The following ZNF385D variants were observed in gnomAD, a reference collection of about 807,000 sequenced individuals.
ZNF385D encodes the protein zinc finger protein 385D, also known as zinc finger protein 659.
In ZNF385D, 15 loss-of-function variants were observed where a neutral mutation model predicts 35.8. That is an observed-to-expected ratio of 0.42 (90% CI 0.28 to 0.64). The LOEUF (loss-of-function observed/expected upper bound fraction) is 0.64, where lower values mean the gene tolerates loss of function less well. Ranked by LOEUF, ZNF385D falls within the 30% of genes least tolerant of loss-of-function variation. The pLI, the probability that ZNF385D is intolerant of heterozygous loss-of-function variation, is 0.23. For missense variants in ZNF385D, 474 were observed against 494.6 expected (o/e 0.96, Z 0.39); for synonymous variants, 212 against 186.8 (o/e 1.13, Z -1.10).
Position 21,465,042 on chromosome 3 carries a change from T to G in ZNF385D, c.440-27839A>C, listed in dbSNP as rs768832880. 6.6e-6 allele frequency among the ~76,000 whole-genome samples: 1 copy of G among 152,198 alleles called. No homozygotes were observed. The highest frequency in any genetic ancestry group is 1.9e-4 in the East Asian group (1 of 5,190). Reference sequence around the variant, plus strand: ...TAAATTTCTTTCTCATTAAATACTTTGTCATTTTTACAGAAAGATTTCATA... The same window carrying G: ...TAAATTTCTTTCTCATTAAATACTTGGTCATTTTTACAGAAAGATTTCATA... On this transcript the variant is annotated intron_variant, in intron 4 of 7. Coordinates refer to ENST00000281523, the MANE Select transcript of ZNF385D (RefSeq NM_024697.3). This position sits in a 1 kb window ranked among gnomAD's most constrained non-coding sequence, Gnocchi z 4.2.
At chr3:22,215,096 A>T (rs1254813486) in intron 2 of ZNF385D, among the ~76,000 whole-genome samples, 1 of 152,040 alleles carries the variant, frequency 6.6e-6, no homozygotes, top group Non-Finnish European at 1.5e-5. Flanking sequence ...GGAATATAGA[A>T]AAAAACCTAC....
chr3:21,968,261 T>C (rs1197639355), intron 3 of ZNF385D, among the ~76,000 whole-genome samples: 1 of 152,114 alleles, frequency 6.6e-6, no homozygotes, highest in African/African-American at 2.4e-5. Context: ...GCAGTCTGAA[T>C]ATGAGTTTTG....
intron 2 of ZNF385D, among the ~76,000 whole-genome samples, chr3:22,186,286 G>T (rs1024956981): frequency 6.6e-6 from 1 of 152,118 alleles, no homozygotes; most frequent in East Asian, 1.9e-4. Flanking sequence ...TCCCAGACGA[G>T]CATGAGTTCA....
intron 1 of ZNF385D, among the ~76,000 whole-genome samples, chr3:21,712,660 G>C (rs1306259482): frequency 6.6e-6 from 1 of 152,130 alleles, no homozygotes; most frequent in African/African-American, 2.4e-5. Flanking sequence ...AAAAAAATGA[G>C]AATCGTTCCT....
chr3:22,085,392 A>G (rs1190334787), intron 3 of ZNF385D, among the ~76,000 whole-genome samples: 2 of 152,214 alleles, frequency 1.3e-5, no homozygotes, highest in South Asian at 4.1e-4. Context: ...GATAAAGGCG[A>G]TATCACCACC....
At chr3:21,959,037 T>G (rs1702439028) in intron 3 of ZNF385D, 2 of 152,182 alleles carry the variant, frequency 1.3e-5, no homozygotes, top group Non-Finnish European at 2.9e-5. Flanking sequence ...TTCTGGTATT[T>G]GTTGTTTCTA....
rs576279144 is a variant in ZNF385D at position 22,167,433 on chromosome 3, C to T, written c.325+1384G>A. 1.8e-3 allele frequency among the ~76,000 whole-genome samples: 268 copies of T among 152,364 alleles called. 1 individual carries two copies. The highest frequency in any genetic ancestry group is 5.0e-3 in the African/African-American group (210 of 41,588). On this transcript the variant is annotated intron_variant, in intron 3 of 5. Transcript: ENST00000494108. ...GGACCACCCACGCATCCCCTCTCCA[C>T]TGAGAGGTGTTCCATTGCTCAATAA...
intron 3 of ZNF385D, among the ~76,000 whole-genome samples, chr3:21,994,523 T>A (rs1414280549): frequency 6.6e-6 from 1 of 152,160 alleles, no homozygotes; most frequent in Non-Finnish European, 1.5e-5. Flanking sequence ...TATTTTTTTT[T>A]AGGCATTTCA....
At chr3:21,607,906 A>G (rs1409148146) in intron 2 of ZNF385D, among the ~76,000 whole-genome samples, 1 of 151,994 alleles carries the variant, frequency 6.6e-6, no homozygotes, top group Non-Finnish European at 1.5e-5. Context: ...TTGAGTTTTC[A>G]TGAGATGTCC....
At chr3:22,222,219 T>C (rs1698299928) in intron 2 of ZNF385D, among the ~76,000 whole-genome samples, 3 of 152,046 alleles carry the variant, frequency 2.0e-5, no homozygotes, top group Admixed American at 1.3e-4. Context: ...TCCACTTGCC[T>C]TGGCCTCTCA....
chr3:22,129,503 G>A (rs941708771), intron 3 of ZNF385D, among the ~76,000 whole-genome samples: 1 of 151,958 alleles, frequency 6.6e-6, no homozygotes, highest in Non-Finnish European at 1.5e-5. Context: ...TTGGCTTGGT[G>A]CTTTCTTTTA....
intron 3 of ZNF385D, among the ~76,000 whole-genome samples, chr3:21,920,566 A>C (rs1700406623): frequency 6.6e-6 from 1 of 150,940 alleles, no homozygotes; most frequent in Non-Finnish European, 1.5e-5. Flanking sequence ...AGTGACTGAG[A>C]TCATTCTGGA....
At chr3:21,882,123 G>A (rs548748811) in intron 3 of ZNF385D, among the ~76,000 whole-genome samples, 1 of 152,148 alleles carries the variant, frequency 6.6e-6, no homozygotes, top group East Asian at 1.9e-4. Context: ...TAAATCAGTG[G>A]CAGAGTTTCA....
chr3:22,208,944 G>A (rs868798297), intron 2 of ZNF385D, among the ~76,000 whole-genome samples: 1 of 151,900 alleles, frequency 6.6e-6, no homozygotes, highest in East Asian at 1.9e-4. Flanking sequence ...GTTTTGTAAT[G>A]TTTGTTGCCA....
chr3:22,030,256 CATATATATATATATATATATATATAT>C (rs71044967), intron 3 of ZNF385D, among the ~76,000 whole-genome samples: 19 of 21,738 alleles, frequency 8.7e-4, no homozygotes, highest in East Asian at 8.4e-3. Flanking sequence ...TAAACTCATT[CATATATATATATATATATATATATAT>C]ATATATATAT....
chr3:22,021,435 A>G (rs1432757758), intron 3 of ZNF385D, among the ~76,000 whole-genome samples: 1 of 152,002 alleles, frequency 6.6e-6, no homozygotes, highest in Non-Finnish European at 1.5e-5. Context: ...AATAGAAACA[A>G]TATTATTACT....
rs555935950 is a variant in ZNF385D, at chr3:22,068,192, ATTGTTC to A, written c.325+100619_325+100624del. 2.9e-4 allele frequency among the ~76,000 whole-genome samples: 44 copies of A among 152,304 alleles called. No individual in the cohort carries two copies. In the East Asian group the frequency reaches 2.9e-3, roughly 10 times the overall value. On this transcript the variant is annotated intron_variant, in intron 3 of 5. Coordinates refer to the ZNF385D transcript ENST00000494108. ...CTTTATCTTCTTTATTAGTTGTAAC[ATTGTTC>A]TCTTAGATGCTCTTTCAGACAGTTG...
intron 3 of ZNF385D, among the ~76,000 whole-genome samples, chr3:22,119,562 A>G (rs1374640262): frequency 6.6e-6 from 1 of 152,050 alleles, no homozygotes; most frequent in East Asian, 1.9e-4. Context: ...CTAGCTTCTT[A>G]GAGTTGCTCT....
intron 3 of ZNF385D, among the ~76,000 whole-genome samples, chr3:21,877,396 A>C (rs1698036048): frequency 1.3e-5 from 2 of 152,048 alleles, no homozygotes; most frequent in Admixed American, 1.3e-4. Flanking sequence ...CCATTCTCTG[A>C]GACTGTGATT....
Sources: allele counts gnomAD v4.1 joint callset (sites outside exome capture counted in the v4.1 genomes callset), GRCh38; gene constraint gnomAD v4.1.1; non-coding constraint Gnocchi (gnomAD v3.1); transcripts MANE v1.5; gene names NCBI Gene and HGNC (gene_info 2026-07-23, HGNC 2026-07-21).